PPP2R2B: variants seen among roughly 807,000 people sequenced by gnomAD.
PPP2R2B encodes the protein serine/threonine-protein phosphatase 2A 55 kDa regulatory subunit B beta isoform.
Under a neutral mutation model 46.0 loss-of-function variants are expected in PPP2R2B, and 5 were observed. The ratio of observed to expected loss-of-function variants is 0.11; its 90% CI spans 0.06 to 0.23. The LOEUF is 0.23. Ranked by LOEUF, PPP2R2B falls within the 10% of genes least tolerant of loss-of-function variation. The probability of loss-of-function intolerance (pLI) is 1.00; values close to 1 mark genes in which losing one functional copy is unlikely to be tolerated. For synonymous variants in PPP2R2B, 215 were observed against 206.7 expected, an observed-to-expected ratio of 1.04 and a Z score of -0.34; for missense variants, 367 against 575.0, an observed-to-expected ratio of 0.64 and a Z score of 3.70.
At chr5:146,722,503 T>G (rs773417972) in intron 2 of PPP2R2B, among the ~76,000 whole-genome samples, 5 of 152,174 alleles carry the variant, frequency 3.3e-5, no homozygotes, top group Non-Finnish European at 7.4e-5. Flanking sequence ...TCAGAAGGCA[T>G]AGCCTGGCTG....
intron 6 of PPP2R2B, among the ~76,000 whole-genome samples, chr5:146,639,487 G>A (rs1186743518): frequency 6.6e-6 from 1 of 152,144 alleles, no homozygotes; most frequent in African/African-American, 2.4e-5. Context: ...ATGAGTGAAG[G>A]AGTGGGTTTG....
intron 1 of PPP2R2B, among the ~76,000 whole-genome samples, chr5:146,952,838 T>C (rs577297195): frequency 6.6e-6 from 1 of 152,266 alleles, no homozygotes; most frequent in Admixed American, 6.5e-5. Flanking sequence ...TATGTGAGAG[T>C]CATAAGCTTT....
At position 147,020,577 on chromosome 5, in the gene PPP2R2B, A is replaced by T. The variant is rs890081832; in HGVS notation, c.79+35088T>A. Among the ~76,000 whole-genome samples the T allele has an allele frequency of 2.6e-5, 4 of 152,166 alleles. No individual in the cohort carries two copies. In the East Asian group the frequency reaches 7.7e-4, roughly 29 times the overall value. On this transcript the variant is annotated intron_variant, in intron 1 of 8. Transcript: ENST00000336640. ...GAGGAGGAGACCAGGAGGGGTGGAGAAAGAAAACAAAAAGTGAAAATAAAT... is the reference window on the plus strand; with the variant it reads ...GAGGAGGAGACCAGGAGGGGTGGAGTAAGAAAACAAAAAGTGAAAATAAAT...
chr5:146,631,891 G>A (rs555969238), intron 7 of PPP2R2B, among the ~76,000 whole-genome samples: 1 of 152,230 alleles, frequency 6.6e-6, no homozygotes, highest in Admixed American at 6.5e-5. Flanking sequence ...CAAGAGCCCT[G>A]TGTCCATGAC....
intron 2 of PPP2R2B, among the ~76,000 whole-genome samples, chr5:146,777,263 C>T (rs1346970409): frequency 1.3e-5 from 2 of 151,994 alleles, no homozygotes; most frequent in East Asian, 1.9e-4. Flanking sequence ...AAATGTGGCG[C>T]ATATGTAAAT....
intron 1 of PPP2R2B, among the ~76,000 whole-genome samples, chr5:146,911,560 T>A (rs1763184419): frequency 6.6e-6 from 1 of 152,216 alleles, no homozygotes; most frequent in African/African-American, 2.4e-5. Context: ...GCACAATAAG[T>A]AATTGTTTAA....
chr5:146,913,770 A>G (rs1311598085), intron 1 of PPP2R2B, among the ~76,000 whole-genome samples: 1 of 152,236 alleles, frequency 6.6e-6, no homozygotes, highest in Non-Finnish European at 1.5e-5. Context: ...TTAAGGACTA[A>G]AAGCTAAACT....
intron 6 of PPP2R2B, among the ~76,000 whole-genome samples, chr5:146,650,011 T>G (rs1285756276): frequency 6.6e-6 from 1 of 152,198 alleles, no homozygotes; most frequent in East Asian, 1.9e-4. Flanking sequence ...ATACTATACA[T>G]TTCATCAAAC....
At chr5:146,598,893 A>C (rs1449562100) in intron 8 of PPP2R2B, among the ~76,000 whole-genome samples, 1 of 152,206 alleles carries the variant, frequency 6.6e-6, no homozygotes, top group African/African-American at 2.4e-5. Flanking sequence ...GTCAATGATG[A>C]AAATGATCTG....
At chr5:146,678,807 A>T (rs1777923102) in intron 5 of PPP2R2B, among the ~76,000 whole-genome samples, 2 of 124,100 alleles carry the variant, frequency 1.6e-5, no homozygotes, top group Admixed American at 1.5e-4. Context: ...CTTCAAAGAG[A>T]ATAAAATACC....
At position 147,000,078 on chromosome 5, in the gene PPP2R2B, TAACA is replaced by T. The variant is rs142458208; in HGVS notation, c.79+55583_79+55586del. On this transcript the variant is annotated intron_variant, in intron 1 of 8. Coordinates refer to the PPP2R2B transcript ENST00000336640. ...ACCAAGGCTGTGATGATGGTGACTT[TAACA>T]GACAGAGGGATTCCAAGAGGAATCT... 5.1e-3 allele frequency among the ~76,000 whole-genome samples: 775 copies of T among 152,324 alleles called. 3 individuals are homozygous for T. The highest frequency in any genetic ancestry group is 0.018 in the African/African-American group (735 of 41,574).
intron 1 of PPP2R2B, among the ~76,000 whole-genome samples, chr5:146,931,026 CTGAA>C: frequency 1.3e-5 from 2 of 152,058 alleles, no homozygotes; most frequent in Admixed American, 1.3e-4. Context: ...AGCTAGTTGC[CTGAA>C]TATTTTGTTT....
At chr5:146,994,608 A>G (rs1233691493) in intron 1 of PPP2R2B, among the ~76,000 whole-genome samples, 1 of 152,052 alleles carries the variant, frequency 6.6e-6, no homozygotes, top group Non-Finnish European at 1.5e-5. Flanking sequence ...GTATTTATCC[A>G]CCAACCCTGA....
chr5:146,890,169 T>A (rs1187941095), intron 1 of PPP2R2B, among the ~76,000 whole-genome samples: 1 of 152,198 alleles, frequency 6.6e-6, no homozygotes, highest in Non-Finnish European at 1.5e-5. Context: ...AGGGGAGAAA[T>A]TACTACTGTC....
chr5:146,902,695 C>T (rs1014950145), intron 1 of PPP2R2B, among the ~76,000 whole-genome samples: 3 of 152,204 alleles, frequency 2.0e-5, no homozygotes, highest in Non-Finnish European at 4.4e-5. Context: ...AGCCAAAAGC[C>T]ATCTGTGGTT....
chr5:146,843,553 C>T (rs553409363), intron 2 of PPP2R2B, among the ~76,000 whole-genome samples: 15 of 152,150 alleles, frequency 9.9e-5, no homozygotes, highest in Non-Finnish European at 1.8e-4. Flanking sequence ...TGTTCTCTCA[C>T]ACCAGAGAAA....
chr5:146,678,183 G>C (rs1337236512), intron 5 of PPP2R2B, among the ~76,000 whole-genome samples: 1 of 152,034 alleles, frequency 6.6e-6, no homozygotes, highest in Non-Finnish European at 1.5e-5. Flanking sequence ...ACCTCAAAAA[G>C]CTTATCCACC....
chr5:147,071,083 T>G (rs901766920), intron 2 of PPP2R2B, among the ~76,000 whole-genome samples: 1 of 152,102 alleles, frequency 6.6e-6, no homozygotes, highest in African/African-American at 2.4e-5. Context: ...AAAGTTTCCT[T>G]TATTTAAAAA....
At chr5:146,604,566 G>T (rs777078510) in intron 7 of PPP2R2B, among the ~76,000 whole-genome samples, 3 of 152,190 alleles carry the variant, frequency 2.0e-5, no homozygotes, top group Non-Finnish European at 2.9e-5. Context: ...GCCACTGGGG[G>T]TATGTCAGGT....
Sources: allele counts gnomAD v4.1 joint callset (sites outside exome capture counted in the v4.1 genomes callset), GRCh38; gene constraint gnomAD v4.1.1; transcripts MANE v1.5; gene names NCBI Gene and HGNC (gene_info 2026-07-23, HGNC 2026-07-21).